The following PATZ1 variants were observed in gnomAD, a reference collection of about 807,000 sequenced individuals.
The protein encoded by PATZ1 is POZ-, AT hook-, and zinc finger-containing protein 1.
In PATZ1, 9 loss-of-function variants were observed where a neutral mutation model predicts 46.2. The ratio of observed to expected loss-of-function variants is 0.19; its 90% CI spans 0.12 to 0.34. The LOEUF (loss-of-function observed/expected upper bound fraction) is 0.34, where lower values mean the gene tolerates loss of function less well. Ranked by LOEUF, PATZ1 falls within the 10% of genes least tolerant of loss-of-function variation. The pLI is 1.00. For missense variants in PATZ1, 632 were observed against 923.0 expected, an observed-to-expected ratio of 0.68 and a Z score of 4.08; for synonymous variants, 426 against 378.6, an observed-to-expected ratio of 1.13 and a Z score of -1.45.
chr22:31,334,902 A>C (rs2049488901), intron 3 of PATZ1, among the ~76,000 whole-genome samples: 1 of 152,174 alleles, frequency 6.6e-6, no homozygotes, highest in African/African-American at 2.4e-5. Flanking sequence ...AAAGCAAAGC[A>C]CACCATGCAG....
Position 31,345,398 on chromosome 22 carries a change from C to T in PATZ1, c.205G>A (p.Val69Met). 6.2e-7 allele frequency: 1 copy of T among 1,610,590 alleles called. No homozygotes were observed. The highest frequency in any genetic ancestry group is 8.5e-7 in the Non-Finnish European group (1 of 1,178,018). The change falls in exon 1 of 5, where the codon GTG (valine) becomes ATG (methionine). Residue 69 changes from valine to methionine, a missense_variant. This residue lies in a region of PATZ1 where 19 missense variants were observed against 71.4 expected (regional missense o/e 0.27). Transcript: ENST00000266269. The surrounding 1 kb of genome is among the most constrained non-coding windows in gnomAD (Gnocchi z 7.4). ...CCGTCGCCCAACTGGGCGCTGAACA[C>T]CGACTCAAAGTACTCGCTGCAGGCG... ...LAACSEYFES[V>M]FSAQLGDGGA...
chr22:31,341,225 A>G, intron 2 of PATZ1: 1 of 1,345,228 alleles, frequency 7.4e-7, no homozygotes, highest in East Asian at 2.7e-5. Flanking sequence ...GGTTCCAGAA[A>G]GGTGCTCCTT....
chr22:31,339,035 C>A lies in PATZ1; in HGVS notation c.1336-3172G>T, dbSNP rs547198137. Among the ~76,000 whole-genome samples, 600 of 152,262 alleles carry A rather than the reference C, an allele frequency of 3.9e-3. 1 individual carries two copies. Among genetic ancestry groups the A allele is most frequent in the African/African-American group, 0.013 (554 of 41,560 alleles). ...GGAAAGAGATGCCTTGTTTCTCTTG[C>A]CAACCTTCTTTTGGGATCTGTCCTC... On this transcript the variant is annotated intron_variant, in intron 2 of 4. Coordinates refer to ENST00000266269, the MANE Select transcript of PATZ1 (RefSeq NM_014323.3).
intron 2 of PATZ1, among the ~76,000 whole-genome samples, chr22:31,340,001 C>T (rs760647636): frequency 2.0e-5 from 3 of 152,248 alleles, no homozygotes; most frequent in Non-Finnish European, 2.9e-5. Context: ...CCCTTCTTCT[C>T]GAGCATATGC....
intron 2 of PATZ1, among the ~76,000 whole-genome samples, chr22:31,338,820 G>A (rs1330537749): frequency 6.6e-6 from 1 of 152,136 alleles, no homozygotes; most frequent in East Asian, 1.9e-4. Flanking sequence ...AGGCCGAGGC[G>A]GGTGGATCAC....
chr22:31,342,794 CGG>C, intron 2 of PATZ1, 101 bp downstream of exon 2: 1 of 1,225,936 alleles, frequency 8.2e-7, no homozygotes, highest in South Asian at 1.3e-5. Context: ...AAGCGGTGGG[CGG>C]TCAGCCGGGC....
chr22:31,333,476 CTTTTTTTTTTT>C (rs71319182), intron 3 of PATZ1, among the ~76,000 whole-genome samples: 3 of 128,738 alleles, frequency 2.3e-5, no homozygotes, highest in African/African-American at 8.8e-5. Flanking sequence ...TATCCTCTTC[CTTTTTTTTTTT>C]TTTTTTTTTT....
At chr22:31,344,158 G>C (rs1454444763) in intron 1 of PATZ1, among the ~76,000 whole-genome samples, 174 bp downstream of exon 1, 6 of 152,170 alleles carry the variant, frequency 3.9e-5, no homozygotes, top group African/African-American at 1.4e-4. Context: ...ATGGAAAGCA[G>C]GTCTCAGGCA....
In PATZ1 at chr22:31,345,805, A is replaced by C; in HGVS notation, c.-203T>G. On this transcript the variant is annotated 5_prime_UTR_variant, in exon 1 of 5. Coordinates refer to ENST00000266269, the MANE Select transcript of PATZ1 (RefSeq NM_014323.3). The surrounding 1 kb of genome is among the most constrained non-coding windows in gnomAD (Gnocchi z 7.4). ...TAGACTGCGGGGTGCACCACCCCCCACATAGCCAACCCCCGCCCTCGCTGG... is the reference window on the plus strand; with the variant it reads ...TAGACTGCGGGGTGCACCACCCCCCCCATAGCCAACCCCCGCCCTCGCTGG... The C allele has an allele frequency of 2.1e-6, 1 of 479,430 alleles. No homozygotes were observed. Among genetic ancestry groups the C allele is most frequent in the East Asian group, 3.4e-5 (1 of 29,402 alleles). 29.7% of individuals were successfully genotyped at this position (479,430 alleles called of 1,614,324 possible). A position where few individuals can be genotyped will look rare whatever the true frequency, so the allele number is the denominator to read the frequency against.
chr22:31,342,413 C>T (rs1371340512), intron 2 of PATZ1, among the ~76,000 whole-genome samples: 2 of 152,130 alleles, frequency 1.3e-5, no homozygotes, highest in African/African-American at 4.8e-5. Flanking sequence ...CCCCCACTGC[C>T]TTGTGCCCTA....
chr22:31,344,681 G>T lies in PATZ1; in HGVS notation c.922C>A (p.Arg308=). 1.2e-6 allele frequency: 2 copies of T among 1,613,892 alleles called. No individual in the cohort carries two copies. The highest frequency in any genetic ancestry group is 2.2e-5 in the East Asian group (1 of 44,880). ...GKVFTDANRL[R]QHEAQHGVTS... is the part of the protein sequence containing the mutation. ...ACACCGTGCTGGGCCTCGTGCTGCC[G>T]GAGCCGGTTGGCATCAGTGAACACC... The change falls in exon 1 of 5, where the codon CGG becomes AGG. Residue 308 remains arginine (R), a synonymous_variant. Transcript: ENST00000266269.
rs1471745332 is a variant in PATZ1 at position 31,325,832 on chromosome 22, A to C, written c.*1059T>G. 2 of 192,414 alleles carry C rather than the reference A, an allele frequency of 1.0e-5. No individual in the cohort carries two copies. Among genetic ancestry groups the C allele is most frequent in the African/African-American group, 2.3e-5 (1 of 43,042 alleles). 11.9% of individuals were successfully genotyped at this position (192,414 alleles called of 1,614,324 possible). ...AGTAATGTACTAACATTTTTAATAC[A>C]GTCTGATCAGATCAATTCACATCAC... On this transcript the variant is annotated 3_prime_UTR_variant, in exon 5 of 5. Coordinates refer to ENST00000266269, the MANE Select transcript of PATZ1 (RefSeq NM_014323.3).
Position 31,345,198 on chromosome 22 carries a change from T to C in PATZ1, c.405A>G (p.Glu135=), listed in dbSNP as rs1185711195. 6.2e-7 allele frequency: 1 copy of C among 1,614,036 alleles called. No individual in the cohort carries two copies. Among genetic ancestry groups the C allele is most frequent in the South Asian group, 1.1e-5 (1 of 91,076 alleles). Residue 135 remains glutamate, a synonymous_variant, in exon 1 of 5, where the codon GAA becomes GAG. Transcript: ENST00000266269. The surrounding 1 kb of genome is among the most constrained non-coding windows in gnomAD (Gnocchi z 7.4). ...GCAGGAACTTGGCGGCCGTCATGAG[T>C]TCGGGAAAGCTCTCCAAGCGCACCA... ...RIVVRLESFP[E]LMTAAKFLLM...
chr22:31,343,516 G>T, intron 1 of PATZ1: 1 of 839,784 alleles, frequency 1.2e-6, no homozygotes, highest in Non-Finnish European at 1.4e-6. Flanking sequence ...GGTAAGACTG[G>T]TTCCTGGTCG....
At chr22:31,336,370 TGGAAA>T (rs1384447979) in intron 2 of PATZ1, among the ~76,000 whole-genome samples, 4 of 152,056 alleles carry the variant, frequency 2.6e-5, no homozygotes, top group Admixed American at 6.6e-5. Context: ...GCCAGGGAAA[TGGAAA>T]GGAAAGGCAG....
At position 31,327,211 on chromosome 22, in the gene PATZ1, C is replaced by T. The variant is rs748591221; in HGVS notation, c.1744G>A (p.Ala582Thr). The T allele has an allele frequency of 6.2e-7, 1 of 1,614,198 alleles. No homozygotes were observed. Residue 582 changes from alanine to threonine, a missense_variant, in exon 5 of 5, where the codon GCC (alanine) becomes ACC (threonine). Ala to Thr is a moderately conservative substitution (Grantham distance 58). Coordinates refer to ENST00000266269, the MANE Select transcript of PATZ1 (RefSeq NM_014323.3). This position sits in a 1 kb window ranked among gnomAD's most constrained non-coding sequence, Gnocchi z 4.2. The stretch of plus-strand genomic sequence containing the variant: ...ATGTCGCAGGAGAAAGAGCCATTGG[C>T]ACTCTGCTTCTCTGGCGTCTTCAGG... ...SDLKTPEKQS[A>T]NGSFSCDMAV...
At position 31,345,679 on chromosome 22, in the gene PATZ1, G is replaced by A. The variant is rs1028115127; in HGVS notation, c.-77C>T. 2.8e-6 allele frequency: 4 copies of A among 1,410,116 alleles called. No homozygotes were observed. The highest frequency in any genetic ancestry group is 4.7e-5 in the Admixed American group (2 of 42,490). 87.4% of individuals were successfully genotyped at this position (1,410,116 alleles called of 1,614,324 possible). On this transcript the variant is annotated 5_prime_UTR_variant, in exon 1 of 5. Coordinates refer to ENST00000266269, the MANE Select transcript of PATZ1 (RefSeq NM_014323.3). This position sits in a 1 kb window ranked among gnomAD's most constrained non-coding sequence, Gnocchi z 7.4. The stretch of plus-strand genomic sequence containing the variant: ...CTTCCCCTCAGCAGCGAGAAGCGGG[G>A]CGCAGCAGACGTGTCCACACTCCCC...
At position 31,327,764 on chromosome 22, in the gene PATZ1, C is replaced by T. The variant is rs930385606; in HGVS notation, c.1646-455G>A. ...ACTAGCTGCACCCTAGCAAGACAGG[C>T]AGAACCAGAGCCATTAGGTCCTCAA... On this transcript the variant is annotated intron_variant, in intron 4 of 4. Transcript: ENST00000266269. This position sits in a 1 kb window ranked among gnomAD's most constrained non-coding sequence, Gnocchi z 4.2. 2.6e-5 allele frequency among the ~76,000 whole-genome samples: 4 copies of T among 152,188 alleles called. No homozygotes were observed. The highest frequency in any genetic ancestry group is 9.7e-5 in the African/African-American group (4 of 41,430).
chr22:31,345,931 G>C lies in PATZ1; in HGVS notation c.-329C>G, dbSNP rs1325824849. The C allele has an allele frequency of 6.9e-6, 2 of 291,158 alleles. No individual in the cohort carries two copies. The highest frequency in any genetic ancestry group is 1.3e-5 in the Non-Finnish European group (2 of 157,354). 18.0% of individuals were successfully genotyped at this position (291,158 alleles called of 1,614,324 possible). A position where few individuals can be genotyped will look rare whatever the true frequency, so the allele number is the denominator to read the frequency against. On this transcript the variant is annotated 5_prime_UTR_variant, in exon 1 of 5. Coordinates refer to ENST00000266269, the MANE Select transcript of PATZ1 (RefSeq NM_014323.3). This position sits in a 1 kb window ranked among gnomAD's most constrained non-coding sequence, Gnocchi z 7.4. ...AGAGGTGCGCCCCTCCTGCAAACGC[G>C]CCTGCCACCTCCCCTCCCGCCCGCC...
Sources: gnomAD v4.1 joint callset for allele counts (sites outside exome capture counted in the v4.1 genomes callset) on GRCh38, gnomAD v4.1.1 for gene constraint, gnomAD v4.1.1 regional missense constraint, Gnocchi (gnomAD v3.1) non-coding constraint, MANE v1.5 for transcripts, NCBI Gene and HGNC (gene_info 2026-07-23, HGNC 2026-07-21) for gene names.